Variants in EEFSEC observed in about 807,000 individuals in gnomAD.
EEFSEC encodes the protein selenocysteine-specific elongation factor.
Under a neutral mutation model 42.1 loss-of-function variants are expected in EEFSEC, and 43 were observed. That is an observed-to-expected ratio of 1.02 (90% confidence interval 0.80 to 1.32). The LOEUF is 1.32. Ranked by LOEUF, EEFSEC falls within the 40% of genes most tolerant of loss-of-function variation. The pLI is 0.00. For synonymous variants in EEFSEC, 354 were observed against 339.1 expected, an observed-to-expected ratio of 1.04 and a Z score of -0.48; for missense variants, 745 against 803.6, an observed-to-expected ratio of 0.93 and a Z score of 0.88.
At chr3:128,154,117 T>C (rs955998513) in intron 1 of EEFSEC, among the ~76,000 whole-genome samples, 5 of 145,046 alleles carry the variant, frequency 3.4e-5, no homozygotes, top group Non-Finnish European at 6.1e-5. Flanking sequence ...TAATACATGG[T>C]CAAGTAAAGA....
intron 6 of EEFSEC, among the ~76,000 whole-genome samples, chr3:128,406,350 G>T (rs747634647): frequency 2.6e-5 from 4 of 152,206 alleles, no homozygotes; most frequent in Non-Finnish European, 5.9e-5. Context: ...GGTTGTGGGA[G>T]CCTGGGGGTG....
chr3:128,184,800 G>A (rs2065448237), intron 1 of EEFSEC, among the ~76,000 whole-genome samples: 1 of 152,130 alleles, frequency 6.6e-6, no homozygotes, highest in Non-Finnish European at 1.5e-5. Context: ...ACATTTCCAA[G>A]GGACAGTTTA....
chr3:128,310,224 T>C (rs2066875327), intron 4 of EEFSEC, among the ~76,000 whole-genome samples: 1 of 152,222 alleles, frequency 6.6e-6, no homozygotes, highest in African/African-American at 2.4e-5. Context: ...GTTAGGAAAT[T>C]AGAACTCACC....
At position 128,341,678 on chromosome 3, in the gene EEFSEC, G is replaced by A. The variant is rs1302736717; in HGVS notation, c.1232G>A (p.Trp411Ter). 2.5e-6 allele frequency: 4 copies of A among 1,614,020 alleles called. No individual in the cohort carries two copies. The highest frequency in any genetic ancestry group is 3.4e-6 in the Non-Finnish European group (4 of 1,180,046). The change falls in exon 5 of 7, where the codon TGG becomes TAG. Residue 411 changes from tryptophan (W) to a stop codon, truncating the protein, a stop_gained. Transcript: ENST00000254730. LOFTEE classifies it high-confidence loss of function. ...ATEGHCPRQQ[W>*]ALVEFEKPVT... ...GAGGGCCATTGTCCTCGGCAGCAGT[G>A]GGCCCTGGTGGAGTTTGAGAAGCCC...
intron 4 of EEFSEC, among the ~76,000 whole-genome samples, chr3:128,298,854 A>G (rs2066736959): frequency 1.3e-5 from 2 of 152,244 alleles, no homozygotes; most frequent in African/African-American, 4.8e-5. Flanking sequence ...TTCACTTAAC[A>G]TAATGGCCTC....
intron 4 of EEFSEC, among the ~76,000 whole-genome samples, chr3:128,303,265 G>A (rs555894141): frequency 3.3e-5 from 5 of 152,194 alleles, no homozygotes; most frequent in South Asian, 4.1e-4. Context: ...GCACCTGACC[G>A]CTTTGCATTT....
At chr3:128,278,990 A>G (rs111807681) in intron 4 of EEFSEC, among the ~76,000 whole-genome samples, 31 of 152,354 alleles carry the variant, frequency 2.0e-4, no homozygotes, top group African/African-American at 6.5e-4. Context: ...TTTGATTCAA[A>G]ACTAGGCTAA....
At chr3:128,362,247 G>A (rs538745043) in intron 6 of EEFSEC, 8 of 521,126 alleles carry the variant, frequency 1.5e-5, no homozygotes, top group Admixed American at 7.9e-5. Context: ...TGGATGGCGG[G>A]TGGGACAACA....
At chr3:128,347,749 C>T (rs1017999342) in intron 5 of EEFSEC, among the ~76,000 whole-genome samples, 2 of 152,048 alleles carry the variant, frequency 1.3e-5, no homozygotes, top group Admixed American at 6.5e-5. Context: ...ATAAAAGGCT[C>T]GGTTATAAAC....
chr3:128,275,162 C>T (rs529769473), intron 4 of EEFSEC, among the ~76,000 whole-genome samples: 1 of 152,246 alleles, frequency 6.6e-6, no homozygotes, highest in East Asian at 1.9e-4. Context: ...GATACTGGGG[C>T]CCAAAGCGGT....
intron 1 of EEFSEC, among the ~76,000 whole-genome samples, chr3:128,155,120 T>C (rs1944353819): frequency 6.6e-6 from 1 of 152,152 alleles, no homozygotes; most frequent in Non-Finnish European, 1.5e-5. Context: ...TTTTTTGTTT[T>C]TTTGTTTTTT....
At chr3:128,355,808 A>G (rs570245148) in intron 5 of EEFSEC, among the ~76,000 whole-genome samples, 8 of 152,376 alleles carry the variant, frequency 5.3e-5, no homozygotes, top group Admixed American at 5.2e-4. Flanking sequence ...GAAGCAATAA[A>G]CAAGTAAACA....
intron 4 of EEFSEC, among the ~76,000 whole-genome samples, chr3:128,323,672 G>A (rs545049342): frequency 6.6e-6 from 1 of 152,332 alleles, no homozygotes; most frequent in South Asian, 2.1e-4. Context: ...AAGTTGGCCA[G>A]CCAGGAGGCA....
rs1384617721 is a variant in EEFSEC, at chr3:128,405,600, G to A, written c.1601-2469G>A. ...AGCCAGAAATAACCCACACAGCCCC[G>A]CCAGCCAGCGCTCCCAGTCTGAGAC... On this transcript the variant is annotated intron_variant, in intron 6 of 6. Transcript: ENST00000254730. Among the ~76,000 whole-genome samples the A allele has an allele frequency of 2.6e-5, 4 of 152,238 alleles. 1 individual carries two copies. The highest frequency in any genetic ancestry group is 4.1e-4 in the South Asian group (2 of 4,838).
Position 128,294,701 on chromosome 3 carries a change from GAGAAGAA to G in EEFSEC, c.786+29925_786+29931del, listed in dbSNP as rs144633516. Among the ~76,000 whole-genome samples, 1,070 of 152,304 alleles carry G rather than the reference GAGAAGAA, an allele frequency of 7.0e-3. 21 individuals carry two copies. Among genetic ancestry groups the G allele is most frequent in the African/African-American group, 0.024 (1,017 of 41,564 alleles). On this transcript the variant is annotated intron_variant, in intron 4 of 6. Coordinates refer to ENST00000254730, the MANE Select transcript of EEFSEC (RefSeq NM_021937.5). ...CTTTCTTGGAGACATGGAGGGCTCT[GAGAAGAA>G]AGAAATAGGTTTACTAAGTGGAAAA...
At chr3:128,240,276 C>G (rs2066056936) in intron 1 of EEFSEC, among the ~76,000 whole-genome samples, 1 of 152,220 alleles carries the variant, frequency 6.6e-6, no homozygotes, top group African/African-American at 2.4e-5. Context: ...GTGCTCACAG[C>G]TGTTAGTACC....
intron 4 of EEFSEC, among the ~76,000 whole-genome samples, chr3:128,305,541 A>G (rs990132355): frequency 9.2e-5 from 14 of 152,154 alleles, no homozygotes; most frequent in Non-Finnish European, 1.5e-4. Flanking sequence ...TTTCCTTTGT[A>G]TTATTAGTCT....
chr3:128,218,802 A>G (rs9847576), intron 1 of EEFSEC, among the ~76,000 whole-genome samples: 107,464 of 152,126 alleles, frequency 0.71, 38,195 homozygotes, highest in East Asian at 0.89. Flanking sequence ...TTATTTTTAT[A>G]TAATCTTTAC....
At chr3:128,415,159 G>A in the EEFSEC span, among the ~76,000 whole-genome samples, 1 of 151,096 alleles carries the variant, frequency 6.6e-6, no homozygotes, top group East Asian at 1.9e-4. Context: ...TGTGTCTTGG[G>A]TCTGGGTGGA....
Sources: allele counts gnomAD v4.1 joint callset (sites outside exome capture counted in the v4.1 genomes callset), GRCh38; gene constraint gnomAD v4.1.1; transcripts MANE v1.5; gene names NCBI Gene and HGNC (gene_info 2026-07-23, HGNC 2026-07-21).